CPNE4: variants seen among roughly 807,000 people sequenced by gnomAD.
The protein encoded by CPNE4 is copine 4.
A neutral mutation model predicts 67.9 loss-of-function variants in CPNE4; 25 were observed. The observed-to-expected ratio is 0.37, with a 90% confidence interval of 0.27 to 0.51. The LOEUF (loss-of-function observed/expected upper bound fraction) is 0.51, where lower values mean the gene tolerates loss of function less well. CPNE4 is among the 20% of genes least tolerant of loss of function. The pLI is 0.93. For missense variants in CPNE4, 464 were observed against 690.8 expected (o/e 0.67, Z 3.68); for synonymous variants, 242 against 244.9 (o/e 0.99, Z 0.11).
chr3:131,825,918 G>A (rs186789417), intron 2 of CPNE4, among the ~76,000 whole-genome samples: 62 of 152,290 alleles, frequency 4.1e-4, no homozygotes, highest in Non-Finnish European at 7.9e-4. Flanking sequence ...TCCAAGCAGC[G>A]TTTATATTCT....
chr3:131,986,321 G>T (rs895488398), intron 1 of CPNE4, among the ~76,000 whole-genome samples: 1 of 152,152 alleles, frequency 6.6e-6, no homozygotes, highest in Non-Finnish European at 1.5e-5. Flanking sequence ...TGATGTCATT[G>T]AATAATTTGA....
chr3:131,566,931 A>T (rs1937085899), intron 10 of CPNE4, among the ~76,000 whole-genome samples: 1 of 151,976 alleles, frequency 6.6e-6, no homozygotes, highest in Non-Finnish European at 1.5e-5. Flanking sequence ...GCTTTAATTT[A>T]TCTAAAAAGT....
rs1411343241 is a variant in CPNE4 at position 131,947,233 on chromosome 3, T to TA, written c.-1-41790_-1-41789insT. 5.3e-5 allele frequency among the ~76,000 whole-genome samples: 8 copies of TA among 152,294 alleles called. No homozygotes were observed. In the East Asian group the frequency reaches 1.5e-3, roughly 29 times the overall value. On this transcript the variant is annotated intron_variant, in intron 1 of 15. Coordinates refer to ENST00000429747, the MANE Select transcript of CPNE4 (RefSeq NM_130808.3). ...TGTTTTGTTTTGTTTTCCCCTTTTT[T>TA]TATTTTTTAAGTTCTGGGAAACATG...
rs184354382 is a variant in CPNE4, at chr3:131,812,119, T to C, written c.181-88494A>G. 1.6e-3 allele frequency among the ~76,000 whole-genome samples: 236 copies of C among 151,662 alleles called. 1 individual carries two copies. In the Middle Eastern group the frequency reaches 0.017, roughly 11 times the overall value. On this transcript the variant is annotated intron_variant, in intron 2 of 15. Transcript: ENST00000429747. ...AATTAGAGAATTTTACCCTATACCC[T>C]AACTTTTAGTCAAAATCATCCAGGA... is the stretch of plus-strand genomic sequence containing the variant.
At position 131,768,417 on chromosome 3, in the gene CPNE4, A is replaced by G. The variant is rs1259796267; in HGVS notation, c.181-44792T>C. ...TATCCATTGGGACAGAAATTGAATC[A>G]GAATCCTCCTTTGTGTAAATGCCCT... On this transcript the variant is annotated intron_variant, in intron 2 of 15. Transcript: ENST00000429747. 2.0e-5 allele frequency among the ~76,000 whole-genome samples: 3 copies of G among 152,170 alleles called. No homozygotes were observed. The South Asian group carries it at 6.2e-4, about 31-fold the overall frequency.
chr3:131,662,045 C>G (rs2080140025), intron 7 of CPNE4, among the ~76,000 whole-genome samples: 1 of 151,980 alleles, frequency 6.6e-6, no homozygotes, highest in Non-Finnish European at 1.5e-5. Flanking sequence ...CTTTTCCTTT[C>G]CAAGCAGTAA....
intron 2 of CPNE4, among the ~76,000 whole-genome samples, chr3:131,755,821 T>A (rs1403242086): frequency 1.3e-5 from 2 of 152,220 alleles, no homozygotes; most frequent in Admixed American, 1.3e-4. Context: ...ACATTTTTAT[T>A]CTGGAAACTC....
intron 6 of CPNE4, among the ~76,000 whole-genome samples, chr3:131,680,088 G>GCTATATGAAT (rs2080701627): frequency 6.6e-6 from 1 of 152,136 alleles, no homozygotes; most frequent in Non-Finnish European, 1.5e-5. Context: ...CTAAAAACTT[G>GCTATATGAAT]CTATATGAAT....
intron 7 of CPNE4, among the ~76,000 whole-genome samples, chr3:131,657,579 G>C (rs1302936902): frequency 2.8e-5 from 4 of 144,694 alleles, no homozygotes; most frequent in African/African-American, 1.0e-4. Context: ...TCTGTCGCCA[G>C]GCTGGAGAGC....
intron 15 of CPNE4, chr3:131,537,625 C>A: frequency 3.3e-6 from 1 of 306,030 alleles, no homozygotes; most frequent in Non-Finnish European, 6.5e-6. Flanking sequence ...GGTTTAATCC[C>A]TTTGCCATTG....
rs1249316271 is a variant in CPNE4 at position 131,978,111 on chromosome 3, A to T, written c.-2+56456T>A. 3.4e-5 allele frequency among the ~76,000 whole-genome samples: 2 copies of T among 58,344 alleles called. 1 individual carries two copies. Among genetic ancestry groups the T allele is most frequent in the Non-Finnish European group, 5.3e-5 (2 of 37,674 alleles). 38.3% of individuals were successfully genotyped at this position (58,344 alleles called of 152,430 possible). ...TAAATATATATATAAATATATATAA[A>T]ATATATATAAATATATATATTTATA... On this transcript the variant is annotated intron_variant, in intron 1 of 15. Coordinates refer to ENST00000429747, the MANE Select transcript of CPNE4 (RefSeq NM_130808.3).
intron 5 of CPNE4, among the ~76,000 whole-genome samples, chr3:131,695,575 T>C (rs972772519): frequency 6.6e-6 from 1 of 152,212 alleles, no homozygotes; most frequent in Non-Finnish European, 1.5e-5. Context: ...CCAGGGAAGA[T>C]ACTATAAAGA....
At chr3:131,985,813 A>G (rs1272163165) in intron 1 of CPNE4, 1 of 154,054 alleles carries the variant, frequency 6.5e-6, no homozygotes, top group African/African-American at 2.4e-5. Context: ...TCTGCTACCT[A>G]GTCCATGTAC....
chr3:131,780,034 C>T (rs958953080), intron 2 of CPNE4, among the ~76,000 whole-genome samples: 12 of 152,058 alleles, frequency 7.9e-5, no homozygotes, highest in African/African-American at 2.9e-4. Flanking sequence ...TGAACAAACA[C>T]TTCTCAAAAT....
At position 131,846,466 on chromosome 3, in the gene CPNE4, A is replaced by G. The variant is rs150899442; in HGVS notation, c.180+58798T>C. On this transcript the variant is annotated intron_variant, in intron 2 of 15. Transcript: ENST00000429747. ...AACTTTACCTGTAAAAACCCATTACATCATTCCAGTTTCCCCAGCACAGCC... is the reference window on the plus strand; with the variant it reads ...AACTTTACCTGTAAAAACCCATTACGTCATTCCAGTTTCCCCAGCACAGCC... 3.7e-3 allele frequency among the ~76,000 whole-genome samples: 563 copies of G among 152,300 alleles called. 6 individuals carry two copies. Among genetic ancestry groups the G allele is most frequent in the African/African-American group, 0.013 (525 of 41,570 alleles).
chr3:131,792,354 T>C (rs1471433626), intron 2 of CPNE4, among the ~76,000 whole-genome samples: 2 of 151,958 alleles, frequency 1.3e-5, no homozygotes, highest in East Asian at 3.9e-4. Flanking sequence ...TTATACTCAA[T>C]TTTAATTCAC....
At chr3:131,773,326 T>C (rs981989917) in intron 2 of CPNE4, among the ~76,000 whole-genome samples, 1 of 149,208 alleles carries the variant, frequency 6.7e-6, no homozygotes, top group African/African-American at 2.5e-5. Context: ...TAAAACAATA[T>C]GTGATTATTA....
chr3:131,678,365 A>G (rs2080641449), intron 6 of CPNE4, among the ~76,000 whole-genome samples: 2 of 152,148 alleles, frequency 1.3e-5, no homozygotes, highest in Non-Finnish European at 2.9e-5. Flanking sequence ...TAGATATAGG[A>G]TCATGTCATC....
At chr3:131,699,383 T>C (rs974254143) in intron 4 of CPNE4, among the ~76,000 whole-genome samples, 5 of 152,258 alleles carry the variant, frequency 3.3e-5, no homozygotes, top group African/African-American at 9.6e-5. Flanking sequence ...AATAATCACA[T>C]GTGGCTAGTG....
Sources: allele counts gnomAD v4.1 joint callset (sites outside exome capture counted in the v4.1 genomes callset), GRCh38; gene constraint gnomAD v4.1.1; transcripts MANE v1.5; gene names NCBI Gene and HGNC (gene_info 2026-07-23, HGNC 2026-07-21).